Variants in SLC5A1 observed in about 807,000 individuals in gnomAD.
SLC5A1 encodes the protein sodium/glucose cotransporter 1.
SLC5A1 carries 42 observed loss-of-function variants against 73.5 expected under a neutral mutation model. The observed-to-expected ratio is 0.57, with a 90% confidence interval of 0.45 to 0.74. SLC5A1 has a LOEUF of 0.74. SLC5A1 is among the 30% of genes least tolerant of loss of function. The pLI is 0.00. For synonymous variants in SLC5A1, 300 were observed against 317.4 expected (o/e 0.95, Z 0.58); for missense variants, 634 against 855.4 (o/e 0.74, Z 3.23).
intron 9 of SLC5A1, among the ~76,000 whole-genome samples, chr22:32,085,740 G>A (rs868416578): frequency 1.3e-5 from 2 of 151,864 alleles, no homozygotes; most frequent in Non-Finnish European, 2.9e-5. Context: ...AGTGTGTCAG[G>A]GCCAGCAGGG....
Position 32,083,169 on chromosome 22 carries a change from G to C in SLC5A1, c.664+15G>C. 6.2e-7 allele frequency: 1 copy of C among 1,610,088 alleles called. No homozygotes were observed. The highest frequency in any genetic ancestry group is 8.5e-7 in the Non-Finnish European group (1 of 1,176,430). On this transcript the variant is annotated intron_variant, in intron 7 of 14. Transcript: ENST00000266088. ...GACTGGGTTTGGTAAGTGGGGCCAG[G>C]GCAGGCTGAGGAGGTGGGAGCAGAG...
intron 11 of SLC5A1, among the ~76,000 whole-genome samples, chr22:32,098,852 C>T (rs1244223187): frequency 2.0e-5 from 3 of 151,440 alleles, no homozygotes; most frequent in African/African-American, 7.3e-5. Context: ...TTTGGGAGGC[C>T]GAGGCGGGCG....
chr22:32,043,456 C>T lies in SLC5A1; in HGVS notation c.135+40C>T. 6.2e-7 allele frequency: 1 copy of T among 1,609,564 alleles called. No homozygotes were observed. The highest frequency in any genetic ancestry group is 1.1e-5 in the South Asian group (1 of 90,462). ...CTGGGATGCGGGTGGGGAGGGTGCG[C>T]ACAGAGGAGGAGCAATGGCCTCGCT... On this transcript the variant is annotated intron_variant, in intron 1 of 14. Coordinates refer to ENST00000266088, the MANE Select transcript of SLC5A1 (RefSeq NM_000343.4). This position sits in a 1 kb window ranked among gnomAD's most constrained non-coding sequence, Gnocchi z 6.5.
At chr22:32,056,983 T>C (rs117628874) in intron 2 of SLC5A1, among the ~76,000 whole-genome samples, 6,824 of 152,292 alleles carry the variant, frequency 0.045, 208 homozygotes, top group Non-Finnish European at 0.07. Flanking sequence ...AGTCCAGTAA[T>C]ACCCTTTAGG....
intron 2 of SLC5A1, among the ~76,000 whole-genome samples, chr22:32,060,112 C>CAT (rs1395802557): frequency 1.4e-5 from 2 of 145,930 alleles, no homozygotes; most frequent in African/African-American, 2.5e-5. Context: ...TATACACACA[C>CAT]ATATATATAC....
In SLC5A1 at chr22:32,110,159, C is replaced by T. The variant is rs745834719; in HGVS notation, c.1941C>T (p.Val647=). Residue 647 remains valine, a synonymous_variant, in exon 15 of 15, where the codon GTC becomes GTT. Transcript: ENST00000266088. ...CTTTGTGGAGGACAGTGTTGAACGTCAATGGCATCATCCTGGTGACCGTGG... is the reference window on the plus strand; with the variant it reads ...CTTTGTGGAGGACAGTGTTGAACGTTAATGGCATCATCCTGGTGACCGTGG... The part of the protein sequence containing the change: ...EKPLWRTVLN[V]NGIILVTVAV... The T allele has an allele frequency of 1.3e-5, 21 of 1,614,032 alleles. No individual in the cohort carries two copies. The highest frequency in any genetic ancestry group is 1.7e-5 in the Non-Finnish European group (20 of 1,180,016).
At chr22:32,104,552 G>T (rs1229631765) in intron 13 of SLC5A1, among the ~76,000 whole-genome samples, 3 of 152,184 alleles carry the variant, frequency 2.0e-5, no homozygotes, top group Admixed American at 2.0e-4. Context: ...CAATCTTTTA[G>T]CTCTGAATAT....
intron 2 of SLC5A1, among the ~76,000 whole-genome samples, chr22:32,051,996 GTTC>G (rs1378222076): frequency 1.3e-5 from 2 of 152,172 alleles, no homozygotes; most frequent in Non-Finnish European, 2.9e-5. Flanking sequence ...TTTAGCTCTT[GTTC>G]TTCTTTGCAA....
chr22:32,055,232 C>T (rs2093950080), intron 2 of SLC5A1, among the ~76,000 whole-genome samples: 1 of 152,152 alleles, frequency 6.6e-6, no homozygotes, highest in Non-Finnish European at 1.5e-5. Flanking sequence ...GACCATTGTC[C>T]ATGGGAATAG....
chr22:32,046,210 C>T (rs1393689783), intron 1 of SLC5A1, among the ~76,000 whole-genome samples: 2 of 152,110 alleles, frequency 1.3e-5, no homozygotes, highest in African/African-American at 4.8e-5. Context: ...AGAGCTGGGA[C>T]AAGAATCAAG....
chr22:32,094,651 A>G (rs2149495128), intron 11 of SLC5A1, among the ~76,000 whole-genome samples: 1 of 152,118 alleles, frequency 6.6e-6, no homozygotes, highest in Middle Eastern at 3.4e-3. Context: ...GTAGCCTTGA[A>G]TTATCTTTTG....
chr22:32,068,456 T>A, intron 4 of SLC5A1, 40 bp from the exon 5 acceptor site: 1 of 1,234,052 alleles, frequency 8.1e-7, no homozygotes, highest in Non-Finnish European at 1.2e-6. Flanking sequence ...GGCCCTCTGG[T>A]CACTGTGGCT....
Position 32,099,236 on chromosome 22 carries a change from A to G in SLC5A1, c.1334A>G (p.Gln445Arg), listed in dbSNP as rs1270305521. Residue 445 changes from glutamine (Q) to arginine (R), a missense_variant, in exon 12 of 15, where the codon CAG (glutamine) becomes CGG (arginine). Coordinates refer to ENST00000266088, the MANE Select transcript of SLC5A1 (RefSeq NM_000343.4). The stretch of plus-strand genomic sequence containing the variant: ...AGCATCGCCTGGGTGCCCATTGTGC[A>G]GTCAGCACAAAGTGGGCAACTCTTC... ...GISIAWVPIV[Q>R]SAQSGQLFDY... 6 of 1,611,932 alleles carry G rather than the reference A, an allele frequency of 3.7e-6. No homozygotes were observed. The highest frequency in any genetic ancestry group is 2.7e-5 in the African/African-American group (2 of 74,632).
chr22:32,077,212 T>C (rs1254086055), intron 5 of SLC5A1, among the ~76,000 whole-genome samples: 2 of 151,490 alleles, frequency 1.3e-5, no homozygotes, highest in Non-Finnish European at 3.0e-5. Context: ...CCCTCTTTCC[T>C]TCCTTCTTTC....
intron 5 of SLC5A1, among the ~76,000 whole-genome samples, chr22:32,077,219 TTTCCTTCCTTCC>T (rs369674624): frequency 1.3e-5 from 2 of 151,546 alleles, no homozygotes; most frequent in South Asian, 4.2e-4. Flanking sequence ...TCCTTCCTTC[TTTCCTTCCTTCC>T]TTCCCTCCCT....
At chr22:32,101,234 T>G (rs2094035773) in intron 12 of SLC5A1, among the ~76,000 whole-genome samples, 1 of 152,114 alleles carries the variant, frequency 6.6e-6, no homozygotes, top group Non-Finnish European at 1.5e-5. Context: ...TAAGAGCACA[T>G]TCTATTTTGC....
chr22:32,063,075 T>C (rs1349910903), intron 2 of SLC5A1, among the ~76,000 whole-genome samples: 6 of 152,046 alleles, frequency 3.9e-5, no homozygotes, highest in Admixed American at 3.9e-4. Context: ...GAGAAAGAGA[T>C]TTCTGGTGTC....
At chr22:32,079,412 A>G (rs1320371126) in intron 5 of SLC5A1, among the ~76,000 whole-genome samples, 14 of 152,246 alleles carry the variant, frequency 9.2e-5, no homozygotes, top group Non-Finnish European at 1.9e-4. Flanking sequence ...AAGGAAATAG[A>G]ATATCATAAA....
In SLC5A1 at chr22:32,066,978, T is replaced by C; in HGVS notation, c.251T>C (p.Phe84Ser). The C allele has an allele frequency of 1.2e-6, 2 of 1,613,322 alleles. No homozygotes were observed. The highest frequency in any genetic ancestry group is 1.7e-6 in the Non-Finnish European group (2 of 1,179,462). ...LFASNIGSGH[F>S]VGLAGTGAAS... ...GCTAGTAACATTGGAAGTGGCCACT[T>C]TGTGGGGCTGGCCGGGACTGGGGCA... is the stretch of plus-strand genomic sequence containing the variant. The change falls in exon 3 of 15, where the codon TTT (phenylalanine) becomes TCT (serine). Residue 84 changes from phenylalanine to serine, a missense_variant. Physicochemically the swap from Phe to Ser is radical, Grantham distance 155. Coordinates refer to ENST00000266088, the MANE Select transcript of SLC5A1 (RefSeq NM_000343.4).
Sources: allele counts gnomAD v4.1 joint callset (sites outside exome capture counted in the v4.1 genomes callset), GRCh38; gene constraint gnomAD v4.1.1; non-coding constraint Gnocchi (gnomAD v3.1); transcripts MANE v1.5; gene names NCBI Gene and HGNC (gene_info 2026-07-23, HGNC 2026-07-21).